Variants in PCDH17 observed in about 807,000 individuals in gnomAD.
PCDH17 encodes protocadherin-17.
PCDH17 carries 21 observed loss-of-function variants against 67.7 expected under a neutral mutation model. The ratio of observed to expected loss-of-function variants is 0.31; its 90% confidence interval spans 0.22 to 0.45. The LOEUF (loss-of-function observed/expected upper bound fraction) is 0.45. Among genes scored for constraint, PCDH17 ranks in the 20% least tolerant of loss-of-function variants. The pLI, the probability that PCDH17 is intolerant of heterozygous loss-of-function variation, is 1.00. For synonymous variants in PCDH17, 701 were observed against 656.7 expected (o/e 1.07, Z -1.03); for missense variants, 1,471 against 1,564.8 (o/e 0.94, Z 1.01).
chr13:57,633,687 T>G lies in PCDH17; in HGVS notation c.1141T>G (p.Ser381Ala). 6.2e-7 allele frequency: 1 copy of G among 1,604,384 alleles called. No homozygotes were observed. The highest frequency in any genetic ancestry group is 8.5e-7 in the Non-Finnish European group (1 of 1,179,828). Residue 381 changes from serine to alanine, a missense_variant, in exon 1 of 4, where the codon TCT (serine) becomes GCT (alanine). Physicochemically the swap from Ser to Ala is moderately conservative, Grantham distance 99. Around this residue, in one of 3 missense-constraint regions of PCDH17, gnomAD observed 1,163 missense variants for 1,230.0 expected, o/e 0.95. Transcript: ENST00000377918. The surrounding 1 kb of genome is among the most constrained non-coding windows in gnomAD (Gnocchi z 6.2). Reference protein sequence around the residue: ...IALVRVTDRDSGKNGQLQCRV... With the variant: ...IALVRVTDRDAGKNGQLQCRV... The stretch of plus-strand genomic sequence containing the variant: ...CCTGGTGCGGGTCACTGACCGGGAC[T>G]CTGGCAAGAACGGACAGCTGCAGTG...
At chr13:57,674,699 A>G (rs536577446) in intron 3 of PCDH17, among the ~76,000 whole-genome samples, 1 of 152,086 alleles carries the variant, frequency 6.6e-6, no homozygotes, top group Non-Finnish European at 1.5e-5. Flanking sequence ...GGGTGCCCGT[A>G]CACTATTAAA....
In PCDH17 at chr13:57,632,320, G is replaced by T. The variant is rs1412818441; in HGVS notation, c.-227G>T. 2 of 580,414 alleles carry T rather than the reference G, an allele frequency of 3.4e-6. No individual in the cohort carries two copies. The highest frequency in any genetic ancestry group is 6.1e-6 in the Non-Finnish European group (2 of 329,258). 36.0% of individuals were successfully genotyped at this position (580,414 alleles called of 1,614,324 possible). A position where few individuals can be genotyped will look rare whatever the true frequency, so the allele number is the denominator to read the frequency against. ...CAAGCCCCTGCAGCTCTGCTGCACC[G>T]CAGCTTCTCACCCAGTGCGGATGCT... is the stretch of plus-strand genomic sequence containing the variant. On this transcript the variant is annotated 5_prime_UTR_variant, in exon 1 of 4. Coordinates refer to ENST00000377918, the MANE Select transcript of PCDH17 (RefSeq NM_001040429.3).
At chr13:57,707,334 CGTGTGTGTGTGTGTGT>C (rs56840875) in intron 3 of PCDH17, among the ~76,000 whole-genome samples, 3 of 145,714 alleles carry the variant, frequency 2.1e-5, no homozygotes, top group Admixed American at 6.9e-5. Flanking sequence ...GATATATGAC[CGTGTGTGTGTGTGTGT>C]GTGTGTGTGT....
At chr13:57,723,584 T>C (rs760830223) in intron 3 of PCDH17, among the ~76,000 whole-genome samples, 9 of 152,046 alleles carry the variant, frequency 5.9e-5, no homozygotes, top group Non-Finnish European at 1.2e-4. Flanking sequence ...TAAAGGTAAA[T>C]TGTAAATATC....
intron 3 of PCDH17, among the ~76,000 whole-genome samples, chr13:57,721,692 C>T (rs931742301): frequency 1.3e-5 from 2 of 152,034 alleles, no homozygotes; most frequent in African/African-American, 4.8e-5. Context: ...TCCCTCCACA[C>T]TACACTCTCT....
chr13:57,652,008 G>T (rs1955046901), intron 1 of PCDH17, among the ~76,000 whole-genome samples: 1 of 152,232 alleles, frequency 6.6e-6, no homozygotes, highest in African/African-American at 2.4e-5. Context: ...GCCGGGCGCG[G>T]TGGCTCACGC....
At chr13:57,700,816 A>G (rs1156526771) in intron 3 of PCDH17, among the ~76,000 whole-genome samples, 1 of 152,190 alleles carries the variant, frequency 6.6e-6, no homozygotes, top group African/African-American at 2.4e-5. Context: ...AAAATTCAGA[A>G]CAAACACTTC....
rs993448206 is a variant in PCDH17, at chr13:57,728,367, T to C, written c.*3073T>C. The stretch of plus-strand genomic sequence containing the variant: ...TTCATATCTTTCAAGTACTAACCCC[T>C]CAAAAAAGCCCACACATACAAAATA... On this transcript the variant is annotated 3_prime_UTR_variant, in exon 4 of 4. Coordinates refer to ENST00000377918, the MANE Select transcript of PCDH17 (RefSeq NM_001040429.3). 6.6e-6 allele frequency: 1 copy of C among 151,778 alleles called. No homozygotes were observed. Among genetic ancestry groups the C allele is most frequent in the Non-Finnish European group, 1.5e-5 (1 of 67,914 alleles). The allele number at this position is 151,778 out of a possible 1,614,324, so 9.4% of individuals were successfully genotyped here.
chr13:57,637,762 C>T (rs949241629), intron 1 of PCDH17, among the ~76,000 whole-genome samples: 44 of 151,988 alleles, frequency 2.9e-4, no homozygotes, highest in African/African-American at 8.9e-4. Flanking sequence ...TGGTACAGTG[C>T]GGTGATATGA....
intron 3 of PCDH17, among the ~76,000 whole-genome samples, chr13:57,709,186 A>C (rs1266168403): frequency 6.6e-6 from 1 of 151,550 alleles, no homozygotes; most frequent in Non-Finnish European, 1.5e-5. Flanking sequence ...CTAAATTACA[A>C]ATAGTGTCTT....
chr13:57,668,879 A>T (rs1337698141), intron 3 of PCDH17, among the ~76,000 whole-genome samples: 5 of 152,106 alleles, frequency 3.3e-5, no homozygotes, highest in Admixed American at 2.6e-4. Flanking sequence ...TCTAGGGTAC[A>T]TGTGCACAAC....
intron 3 of PCDH17, among the ~76,000 whole-genome samples, chr13:57,696,170 G>A (rs557988785): frequency 6.6e-6 from 1 of 151,372 alleles, no homozygotes; most frequent in Non-Finnish European, 1.5e-5. Flanking sequence ...TATTTAACTT[G>A]TAATTACTAC....
At chr13:57,644,551 T>C (rs2137989615) in intron 1 of PCDH17, among the ~76,000 whole-genome samples, 1 of 151,602 alleles carries the variant, frequency 6.6e-6, no homozygotes, top group East Asian at 2.0e-4. Context: ...ATAATTACTA[T>C]GAGTCTCAGC....
rs756336655 is a variant in PCDH17 at position 57,633,225 on chromosome 13, G to C, written c.679G>C (p.Val227Leu). The change falls in exon 1 of 4, where the codon GTA (valine) becomes CTA (leucine). Residue 227 changes from valine (V) to leucine (L), a missense_variant. Val to Leu is a conservative substitution (Grantham distance 32, BLOSUM62 1). Coordinates refer to ENST00000377918, the MANE Select transcript of PCDH17 (RefSeq NM_001040429.3). This position sits in a 1 kb window ranked among gnomAD's most constrained non-coding sequence, Gnocchi z 6.2. ...TGGCGAGCCTCCACGTTCCGCCACC[G>C]TACAGATCAACGTGAAGGTGATTGA... The part of the protein sequence containing the change: ...DGGEPPRSAT[V>L]QINVKVIDSN... The C allele has an allele frequency of 1.9e-6, 3 of 1,613,228 alleles. No homozygotes were observed. Among genetic ancestry groups the C allele is most frequent in the Non-Finnish European group, 2.5e-6 (3 of 1,179,964 alleles).
rs78929150 is a variant in PCDH17, at chr13:57,687,109, C to T, written c.2797+20276C>T. Among the ~76,000 whole-genome samples, 147 of 152,148 alleles carry T rather than the reference C, an allele frequency of 9.7e-4. No individual in the cohort carries two copies. The East Asian group carries it at 0.023, about 24-fold the overall frequency. ...TGGTTAAATAATAAAAATGGCACAT[C>T]GTGCAATTCTAAATTCCGTTGATAA... On this transcript the variant is annotated intron_variant, in intron 3 of 3. Coordinates refer to ENST00000377918, the MANE Select transcript of PCDH17 (RefSeq NM_001040429.3).
chr13:57,641,579 AAAAAAAAAATATATATATATATATAT>A (rs1353489587), intron 1 of PCDH17, among the ~76,000 whole-genome samples: 197 of 77,588 alleles, frequency 2.5e-3, no homozygotes, highest in Middle Eastern at 0.012. Context: ...AAAAAAAAAA[AAAAAAAAAATATATATATATATATAT>A]ATATATATAT....
At chr13:57,640,814 T>C (rs1453782489) in intron 1 of PCDH17, among the ~76,000 whole-genome samples, 2 of 152,058 alleles carry the variant, frequency 1.3e-5, no homozygotes, top group African/African-American at 4.8e-5. Context: ...CCATGCCAGT[T>C]AGGAAGTAAA....
In PCDH17 at chr13:57,632,703, C is replaced by T. The variant is rs778563989; in HGVS notation, c.157C>T (p.Arg53Cys). 6.2e-7 allele frequency: 1 copy of T among 1,611,490 alleles called. No individual in the cohort carries two copies. Among genetic ancestry groups the T allele is most frequent in the East Asian group, 2.2e-5 (1 of 44,844 alleles). Residue 53 changes from arginine to cysteine, a missense_variant, in exon 1 of 4, where the codon CGC (arginine) becomes TGC (cysteine). By Grantham distance (180) the Arg-to-Cys change is radical (BLOSUM62 -3). Transcript: ENST00000377918. ...RLQPGLPPAE[R>C]GGGGRSKSGS... ...GCAGCCTGGGCTTCCGCCTGCAGAG[C>T]GCGGCGGCGGAGGGCGCAGCAAGTC...
intron 1 of PCDH17, among the ~76,000 whole-genome samples, chr13:57,652,564 A>G (rs1012470088): frequency 6.6e-6 from 1 of 152,302 alleles, no homozygotes; most frequent in African/African-American, 2.4e-5. Flanking sequence ...TTATGGAGAG[A>G]GGCCTTTTAG....
Sources: allele counts gnomAD v4.1 joint callset (sites outside exome capture counted in the v4.1 genomes callset), GRCh38; gene constraint gnomAD v4.1.1; regional missense constraint gnomAD v4.1.1; non-coding constraint Gnocchi (gnomAD v3.1); transcripts MANE v1.5; gene names NCBI Gene and HGNC (gene_info 2026-07-23, HGNC 2026-07-21).